DCAF5: variants seen among roughly 807,000 people sequenced by gnomAD.
The protein encoded by DCAF5 is DDB1 and CUL4 associated factor 5.
In DCAF5, 9 loss-of-function variants were observed where a neutral mutation model predicts 80.7. The observed-to-expected ratio is 0.11, with a 90% CI of 0.07 to 0.19. The LOEUF (loss-of-function observed/expected upper bound fraction) is 0.19. Ranked by LOEUF, DCAF5 falls within the 10% of genes least tolerant of loss-of-function variation. The pLI is 1.00. For missense variants in DCAF5, 842 were observed against 1,205.7 expected, an observed-to-expected ratio of 0.70 and a Z score of 4.47; for synonymous variants, 433 against 461.9, an observed-to-expected ratio of 0.94 and a Z score of 0.80.
At chr14:69,150,121 T>C (rs553809756) in intron 1 of DCAF5, among the ~76,000 whole-genome samples, 5 of 152,176 alleles carry the variant, frequency 3.3e-5, no homozygotes, top group South Asian at 2.1e-4. Flanking sequence ...AAGGAACAAA[T>C]AGGAAAAGCT....
chr14:69,143,538 A>T (rs919552968), intron 1 of DCAF5, among the ~76,000 whole-genome samples: 9 of 151,248 alleles, frequency 6.0e-5, no homozygotes, highest in African/African-American at 1.5e-4. Flanking sequence ...TTAGCTATTT[A>T]AAAAATCTGT....
intron 1 of DCAF5, among the ~76,000 whole-genome samples, chr14:69,141,747 G>T (rs1163538450): frequency 2.6e-5 from 4 of 152,118 alleles, no homozygotes; most frequent in African/African-American, 9.7e-5. Flanking sequence ...CTTATCAACT[G>T]GCAGAAGCCC....
At chr14:69,109,729 T>C (rs757403286) in intron 5 of DCAF5, among the ~76,000 whole-genome samples, 1 of 152,236 alleles carries the variant, frequency 6.6e-6, no homozygotes, top group Non-Finnish European at 1.5e-5. Context: ...TTTCTTTTGA[T>C]GGATATTTAG....
chr14:69,084,798 C>G lies in DCAF5; in HGVS notation c.879+6876G>C, dbSNP rs1394377513. ...ACCACATTCTTCCAGTTCTGCAATG[C>G]AGATTCAGGAACACTATTGTGTACA... is the stretch of plus-strand genomic sequence containing the variant. On this transcript the variant is annotated intron_variant, in intron 6 of 8. Coordinates refer to ENST00000341516, the MANE Select transcript of DCAF5 (RefSeq NM_003861.3). 4 of 1,094,998 alleles carry G rather than the reference C, an allele frequency of 3.7e-6. No homozygotes were observed. The Admixed American group carries it at 5.6e-5, about 15-fold the overall frequency. The allele number at this position is 1,094,998 out of a possible 1,614,324, so 67.8% of individuals were successfully genotyped here. A position where few individuals can be genotyped will look rare whatever the true frequency, so the allele number is the denominator to read the frequency against.
chr14:69,054,667 G>C lies in DCAF5; in HGVS notation c.2019C>G (p.Ser673=), dbSNP rs778481326. Residue 673 remains serine, a synonymous_variant, in exon 9 of 9, where the codon TCC becomes TCG. Coordinates refer to ENST00000341516, the MANE Select transcript of DCAF5 (RefSeq NM_003861.3). The part of the protein sequence containing the change: ...AYKWLRYSYI[S]YSNNKDGETS... ...TCTCTCCATCTTTGTTATTTGAGTA[G>C]GAGATATAAGAGTAGCGGAGCCACT... 1 of 1,614,210 alleles carries C rather than the reference G, an allele frequency of 6.2e-7. No individual in the cohort carries two copies. The highest frequency in any genetic ancestry group is 8.5e-7 in the Non-Finnish European group (1 of 1,180,034).
At position 69,055,225 on chromosome 14, in the gene DCAF5, C is replaced by A; in HGVS notation, c.1461G>T (p.Arg487=). The change falls in exon 9 of 9, where the codon CGG becomes CGT. Residue 487 remains arginine (R), a synonymous_variant. Coordinates refer to ENST00000341516, the MANE Select transcript of DCAF5 (RefSeq NM_003861.3). This position sits in a 1 kb window ranked among gnomAD's most constrained non-coding sequence, Gnocchi z 5.6. Reference sequence around the variant, plus strand: ...AGGCTACTGTGTTTGTGGTGGTGACCCGCAGGGGCCCCAGGTGGAAGGCGT... The same window carrying A: ...AGGCTACTGTGTTTGTGGTGGTGACACGCAGGGGCCCCAGGTGGAAGGCGT... ...ADNAFHLGPL[R]VTTTNTVAST... is the part of the protein sequence containing the mutation. 1 of 1,614,180 alleles carries A rather than the reference C, an allele frequency of 6.2e-7. No individual in the cohort carries two copies. The highest frequency in any genetic ancestry group is 8.5e-7 in the Non-Finnish European group (1 of 1,180,034).
intron 8 of DCAF5, among the ~76,000 whole-genome samples, chr14:69,059,176 C>T (rs1172354170): frequency 6.6e-6 from 1 of 152,114 alleles, no homozygotes; most frequent in Non-Finnish European, 1.5e-5. Context: ...AGCTTCAATC[C>T]TGGGCCCAAG....
intron 1 of DCAF5, among the ~76,000 whole-genome samples, chr14:69,151,748 G>A (rs1244716066): frequency 6.6e-6 from 1 of 152,130 alleles, no homozygotes; most frequent in Non-Finnish European, 1.5e-5. Context: ...CTCCCCAGGG[G>A]CAGCTGTCGC....
At position 69,067,252 on chromosome 14, in the gene DCAF5, T is replaced by C. The variant is rs959386631; in HGVS notation, c.947-4741A>G. Reference sequence around the variant, plus strand: ...TGTATTAGATGGTGGAACACAAGCATGCAGGAAAAAAAAATCTTCACATAT... The same window carrying C: ...TGTATTAGATGGTGGAACACAAGCACGCAGGAAAAAAAAATCTTCACATAT... On this transcript the variant is annotated intron_variant, in intron 7 of 8. Coordinates refer to ENST00000341516, the MANE Select transcript of DCAF5 (RefSeq NM_003861.3). 5.9e-5 allele frequency among the ~76,000 whole-genome samples: 9 copies of C among 151,364 alleles called. No homozygotes were observed. In the East Asian group the frequency reaches 9.7e-4, roughly 16 times the overall value.
chr14:69,069,810 G>C (rs1417803994), intron 7 of DCAF5, among the ~76,000 whole-genome samples: 1 of 151,838 alleles, frequency 6.6e-6, no homozygotes, highest in Non-Finnish European at 1.5e-5. Context: ...GTGAAGACAG[G>C]TTCCCACTAT....
chr14:69,109,243 C>T (rs1263804862), intron 5 of DCAF5, among the ~76,000 whole-genome samples: 1 of 151,342 alleles, frequency 6.6e-6, no homozygotes, highest in Admixed American at 6.6e-5. Context: ...ACTCAGAAGG[C>T]TGAGTCAGGA....
chr14:69,136,826 T>C (rs2041211300), intron 1 of DCAF5, among the ~76,000 whole-genome samples: 1 of 152,162 alleles, frequency 6.6e-6, no homozygotes, highest in Non-Finnish European at 1.5e-5. Context: ...AAAATGTCGG[T>C]AATGTTCAGG....
At position 69,152,706 on chromosome 14, in the gene DCAF5, G is replaced by A; in HGVS notation, c.214+59C>T. 1.5e-6 allele frequency: 2 copies of A among 1,336,008 alleles called. No homozygotes were observed. The highest frequency in any genetic ancestry group is 1.4e-5 in the African/African-American group (1 of 69,550). 82.8% of individuals were successfully genotyped at this position (1,336,008 alleles called of 1,614,324 possible). On this transcript the variant is annotated intron_variant, in intron 1 of 8. Coordinates refer to ENST00000341516, the MANE Select transcript of DCAF5 (RefSeq NM_003861.3). This position sits in a 1 kb window ranked among gnomAD's most constrained non-coding sequence, Gnocchi z 4.1. ...CAGGAGGAGGGTGACGGGGGAGAGC[G>A]AGAGGGGGAGGCTGGGAGGGTGCGG... is the stretch of plus-strand genomic sequence containing the variant.
intron 1 of DCAF5, among the ~76,000 whole-genome samples, chr14:69,135,089 C>T (rs1451917534): frequency 6.6e-6 from 1 of 152,222 alleles, no homozygotes; most frequent in African/African-American, 2.4e-5. Context: ...TAATATCATG[C>T]TTCAGAACAG....
chr14:69,098,727 C>CAAA (rs35501979), intron 5 of DCAF5, among the ~76,000 whole-genome samples: 35 of 92,478 alleles, frequency 3.8e-4, no homozygotes, highest in South Asian at 7.8e-4. Flanking sequence ...ACTAAAAATA[C>CAAA]AAAAAAAAAA....
intron 1 of DCAF5, among the ~76,000 whole-genome samples, chr14:69,137,259 C>A (rs1306939057): frequency 1.3e-5 from 2 of 151,994 alleles, no homozygotes; most frequent in Non-Finnish European, 2.9e-5. Context: ...GTTCTTAGGC[C>A]CTCAAAACCA....
chr14:69,105,727 C>T (rs1348788153), intron 5 of DCAF5, among the ~76,000 whole-genome samples: 1 of 151,358 alleles, frequency 6.6e-6, no homozygotes, highest in African/African-American at 2.4e-5. Context: ...CTGGGACTTG[C>T]ACCAGTGGCC....
At chr14:69,068,427 G>T (rs895223157) in intron 7 of DCAF5, among the ~76,000 whole-genome samples, 1 of 152,076 alleles carries the variant, frequency 6.6e-6, no homozygotes, top group Non-Finnish European at 1.5e-5. Flanking sequence ...GGCCAGATGT[G>T]GTGGCTCATG....
At chr14:69,071,806 G>A (rs2038702417) in intron 7 of DCAF5, among the ~76,000 whole-genome samples, 1 of 152,138 alleles carries the variant, frequency 6.6e-6, no homozygotes, top group Non-Finnish European at 1.5e-5. Flanking sequence ...GCTGAACCTT[G>A]CTAAATATTT....
Sources: allele counts gnomAD v4.1 joint callset (sites outside exome capture counted in the v4.1 genomes callset), GRCh38; gene constraint gnomAD v4.1.1; non-coding constraint Gnocchi (gnomAD v3.1); transcripts MANE v1.5; gene names NCBI Gene and HGNC (gene_info 2026-07-23, HGNC 2026-07-21).